USP48: variants seen among roughly 807,000 people sequenced by gnomAD.
USP48 encodes ubiquitin carboxyl-terminal hydrolase 48.
Under a neutral mutation model 150.7 loss-of-function variants are expected in USP48, and 43 were observed. That is an observed-to-expected ratio of 0.29 (90% CI 0.22 to 0.37). USP48 has a LOEUF of 0.37. Among genes scored for constraint, USP48 ranks in the 10% least tolerant of loss-of-function variants. The probability of loss-of-function intolerance (pLI) is 1.00; values close to 1 mark genes in which losing one functional copy is unlikely to be tolerated. For missense variants in USP48, 813 were observed against 1,249.6 expected (o/e 0.65, Z 5.27); for synonymous variants, 396 against 425.9 (o/e 0.93, Z 0.86).
chr1:21,716,216 T>A (rs1020127923), intron 14 of USP48, among the ~76,000 whole-genome samples: 1 of 152,234 alleles, frequency 6.6e-6, no homozygotes, highest in East Asian at 1.9e-4. Context: ...AGGAAGCACT[T>A]TGTGGCTTCT....
At chr1:21,694,163 A>G (rs1375121730) in intron 23 of USP48, among the ~76,000 whole-genome samples, 1 of 152,204 alleles carries the variant, frequency 6.6e-6, no homozygotes, top group Non-Finnish European at 1.5e-5. Flanking sequence ...TAATGCCTGC[A>G]CTACAGCCGT....
chr1:21,711,541 T>C (rs1364270308), intron 15 of USP48, among the ~76,000 whole-genome samples: 2 of 152,210 alleles, frequency 1.3e-5, no homozygotes, highest in African/African-American at 4.8e-5. Flanking sequence ...CAGGGACTCC[T>C]AAGTCCTCTT....
intron 1 of USP48, among the ~76,000 whole-genome samples, chr1:21,777,068 T>C (rs949199148): frequency 1.3e-4 from 19 of 151,848 alleles, no homozygotes; most frequent in Admixed American, 9.9e-4. Flanking sequence ...TGAGCCAAGA[T>C]TGCGCCACTA....
At chr1:21,697,381 A>AT (rs2097637961) in intron 22 of USP48, among the ~76,000 whole-genome samples, 3 of 152,172 alleles carry the variant, frequency 2.0e-5, no homozygotes, top group African/African-American at 4.8e-5. Flanking sequence ...AGAAAAGGTC[A>AT]GGCCAGGCGT....
chr1:21,679,698 A>T (rs2097560202), intron 26 of USP48, among the ~76,000 whole-genome samples: 1 of 152,298 alleles, frequency 6.6e-6, no homozygotes, highest in South Asian at 2.1e-4. Context: ...CTTTCATTTA[A>T]TGACCATTCT....
chr1:21,727,988 C>T (rs2097744108), intron 11 of USP48: 1 of 985,236 alleles, frequency 1.0e-6, no homozygotes. Flanking sequence ...TTTAAAAAGG[C>T]TTAATTTGGT....
chr1:21,695,238 A>C lies in USP48; in HGVS notation c.2728-17T>G. The C allele has an allele frequency of 6.3e-7, 1 of 1,585,098 alleles. No homozygotes were observed. The highest frequency in any genetic ancestry group is 8.6e-7 in the Non-Finnish European group (1 of 1,167,114). ...ACCATTGCTCTATAATGAAGATTGG[A>C]AATGAAGAAAGCACTGAAATTAACC... On this transcript the variant is annotated splice_polypyrimidine_tract_variant and intron_variant, in intron 22 of 26. Coordinates refer to ENST00000308271, the MANE Select transcript of USP48 (RefSeq NM_032236.8).
chr1:21,782,998 AGCCGCCGCCGCGGTCTGCACCGCC>A lies in USP48; in HGVS notation c.-65_-42del. On this transcript the variant is annotated 5_prime_UTR_variant, in exon 1 of 27. Transcript: ENST00000308271. ...AACGCCTCCCGAGCCAGACCGCCGC[AGCCGCCGCCGCGGTCTGCACCGCC>A]GCCCCAATGGGCTTCGCCACCTGCC... 6.7e-7 allele frequency: 1 copy of A among 1,484,268 alleles called. No homozygotes were observed. Among genetic ancestry groups the A allele is most frequent in the Non-Finnish European group, 8.9e-7 (1 of 1,125,638 alleles). The allele number at this position is 1,484,268 out of a possible 1,614,324, so 91.9% of individuals were successfully genotyped here.
chr1:21,726,358 G>C (rs1431131123), intron 11 of USP48: 2 of 152,134 alleles, frequency 1.3e-5, no homozygotes, highest in African/African-American at 2.4e-5. Flanking sequence ...TTGTTGTTTT[G>C]GTTTTTGAAT....
rs192956938 is a variant in USP48 at position 21,750,471 on chromosome 1, C to T, written c.774+1036G>A. ...TATTGTAGTTGACCCACTATATATTCGCACTTTATTTTACTGTCCCTCCCT... is the reference window on the plus strand; with the variant it reads ...TATTGTAGTTGACCCACTATATATTTGCACTTTATTTTACTGTCCCTCCCT... On this transcript the variant is annotated intron_variant, in intron 6 of 26. Coordinates refer to ENST00000308271, the MANE Select transcript of USP48 (RefSeq NM_032236.8). Among the ~76,000 whole-genome samples the T allele has an allele frequency of 1.2e-4, 19 of 152,252 alleles. No homozygotes were observed. In the East Asian group the frequency reaches 2.5e-3, roughly 20 times the overall value.
intron 1 of USP48, among the ~76,000 whole-genome samples, chr1:21,772,033 A>C (rs2097882334): frequency 6.6e-6 from 1 of 152,230 alleles, no homozygotes; most frequent in African/African-American, 2.4e-5. Flanking sequence ...AAATGGTTTA[A>C]GACAAGTGAG....
intron 1 of USP48, among the ~76,000 whole-genome samples, chr1:21,762,537 T>C (rs1452545584): frequency 6.6e-6 from 1 of 152,186 alleles, no homozygotes; most frequent in Non-Finnish European, 1.5e-5. Context: ...AAGTCTTGTT[T>C]GTTCACTCCC....
intron 1 of USP48, among the ~76,000 whole-genome samples, chr1:21,774,968 G>A (rs1478027536): frequency 6.6e-6 from 1 of 150,792 alleles, no homozygotes; most frequent in African/African-American, 2.4e-5. Flanking sequence ...TCCAGCCTGG[G>A]CAACAAAGCT....
chr1:21,687,534 C>T (rs1032959251), intron 24 of USP48, among the ~76,000 whole-genome samples: 3 of 152,160 alleles, frequency 2.0e-5, no homozygotes, highest in African/African-American at 7.2e-5. Flanking sequence ...TTTAGACACC[C>T]TGGGGTTACT....
At position 21,746,728 on chromosome 1, in the gene USP48, G is replaced by A. The variant is rs565498989; in HGVS notation, c.991+339C>T. On this transcript the variant is annotated intron_variant, in intron 8 of 26. Transcript: ENST00000308271. ...AAGTGAATAGAGGCGCTTGGAGACT[G>A]TTAGTTTTGAGAAATGATAAATAAT... Among the ~76,000 whole-genome samples the A allele has an allele frequency of 2.6e-5, 4 of 152,282 alleles. 1 individual carries two copies. The highest frequency in any genetic ancestry group is 7.2e-5 in the African/African-American group (3 of 41,540).
At chr1:21,743,609 G>GA (rs1033305054) in intron 8 of USP48, among the ~76,000 whole-genome samples, 1 of 151,686 alleles carries the variant, frequency 6.6e-6, no homozygotes, top group East Asian at 1.9e-4. Context: ...TGCTAAAGAA[G>GA]AAAAAAAATA....
At chr1:21,750,074 T>A (rs188100976) in intron 6 of USP48, among the ~76,000 whole-genome samples, 1 of 152,260 alleles carries the variant, frequency 6.6e-6, no homozygotes, top group African/African-American at 2.4e-5. Context: ...ACTGTACCAC[T>A]CCTACGCATA....
chr1:21,778,624 C>CA (rs2097906366), intron 1 of USP48, among the ~76,000 whole-genome samples: 1 of 105,638 alleles, frequency 9.5e-6, no homozygotes, highest in Non-Finnish European at 2.0e-5. Flanking sequence ...AAAAAAAAAG[C>CA]CAAAAAAAGG....
intron 1 of USP48, among the ~76,000 whole-genome samples, chr1:21,772,536 C>T (rs573702287): frequency 5.4e-4 from 81 of 149,566 alleles, no homozygotes; most frequent in African/African-American, 1.9e-3. Flanking sequence ...GGCAGGAGAA[C>T]GGTGTGAACC....
Sources: gnomAD v4.1 joint callset for allele counts (sites outside exome capture counted in the v4.1 genomes callset) on GRCh38, gnomAD v4.1.1 for gene constraint, MANE v1.5 for transcripts, NCBI Gene and HGNC (gene_info 2026-07-23, HGNC 2026-07-21) for gene names.